The following CDH18 variants were observed in gnomAD, a reference collection of about 807,000 sequenced individuals.
The protein encoded by CDH18 is cadherin-18.
CDH18 carries 31 observed loss-of-function variants against 67.9 expected under a neutral mutation model. The observed-to-expected ratio is 0.46, with a 90% CI of 0.34 to 0.62. The LOEUF (loss-of-function observed/expected upper bound fraction) is 0.62, where lower values mean the gene tolerates loss of function less well. Among genes scored for constraint, CDH18 ranks in the 20% least tolerant of loss-of-function variants. The pLI, the probability that CDH18 is intolerant of heterozygous loss-of-function variation, is 0.01. For missense variants in CDH18, 890 were observed against 975.5 expected (o/e 0.91, Z 1.17); for synonymous variants, 362 against 347.2 (o/e 1.04, Z -0.48).
In CDH18 at chr5:20,278,377, G is replaced by GA. The variant is rs894511672; in HGVS notation, c.-579-22873dup. 6.0e-4 allele frequency among the ~76,000 whole-genome samples: 89 copies of GA among 147,380 alleles called. 1 individual carries two copies. The highest frequency in any genetic ancestry group is 1.8e-3 in the African/African-American group (73 of 40,256). ...GCATGACAGATTTAAAGCGCTGAAG[G>GA]AAAAAAAAAATCCCAGAATAGGATA... On this transcript the variant is annotated intron_variant, in intron 1 of 14. Coordinates refer to the CDH18 transcript ENST00000507958.
At chr5:20,133,135 T>C (rs1447207656) in intron 2 of CDH18, among the ~76,000 whole-genome samples, 8 of 152,222 alleles carry the variant, frequency 5.3e-5, no homozygotes, top group Non-Finnish European at 2.9e-5. Context: ...AATTACTCAT[T>C]TGTATTACTT....
chr5:19,592,073 G>GT, intron 6 of CDH18, among the ~76,000 whole-genome samples: 1 of 152,022 alleles, frequency 6.6e-6, no homozygotes, highest in East Asian at 1.9e-4. Context: ...CAACAGACAA[G>GT]TTAATATTCA....
At chr5:20,296,000 T>C (rs555259544) in intron 1 of CDH18, among the ~76,000 whole-genome samples, 2 of 146,428 alleles carry the variant, frequency 1.4e-5, no homozygotes, top group East Asian at 4.4e-4. Flanking sequence ...GCCTCCCGAG[T>C]AACTGGGATT....
chr5:20,203,581 A>AAGAG (rs57913549), intron 2 of CDH18, among the ~76,000 whole-genome samples: 165 of 145,168 alleles, frequency 1.1e-3, no homozygotes, highest in Admixed American at 1.4e-3. Context: ...GTGGAGGGAA[A>AAGAG]AGAGAGAGAG....
intron 2 of CDH18, among the ~76,000 whole-genome samples, chr5:19,908,210 T>G (rs925119012): frequency 5.9e-5 from 9 of 152,224 alleles, no homozygotes; most frequent in African/African-American, 2.2e-4. Context: ...GGAACTAATA[T>G]GATAACTCCT....
At chr5:20,544,623 C>T (rs191976023) in intron 1 of CDH18, among the ~76,000 whole-genome samples, 2 of 152,204 alleles carry the variant, frequency 1.3e-5, no homozygotes, top group Non-Finnish European at 2.9e-5. Context: ...CATTAGCTCT[C>T]ATTAGAATTC....
At chr5:20,138,759 G>GA (rs1467807605) in intron 2 of CDH18, among the ~76,000 whole-genome samples, 1 of 152,110 alleles carries the variant, frequency 6.6e-6, no homozygotes, top group African/African-American at 2.4e-5. Flanking sequence ...ACTTACGAGG[G>GA]ATGTGAAGGA....
At chr5:19,666,299 G>A (rs1757939389) in intron 5 of CDH18, among the ~76,000 whole-genome samples, 1 of 147,072 alleles carries the variant, frequency 6.8e-6, no homozygotes, top group Non-Finnish European at 1.5e-5. Flanking sequence ...CTAGAGACGG[G>A]GTCTCATCAG....
intron 2 of CDH18, among the ~76,000 whole-genome samples, chr5:19,952,248 A>G (rs1288121511): frequency 2.0e-5 from 3 of 152,030 alleles, no homozygotes; most frequent in Non-Finnish European, 4.4e-5. Flanking sequence ...ACAGGGTTTC[A>G]CCGTGTTAGC....
At chr5:19,701,058 A>T (rs76406237) in intron 5 of CDH18, among the ~76,000 whole-genome samples, 1 of 151,608 alleles carries the variant, frequency 6.6e-6, no homozygotes, top group Non-Finnish European at 1.5e-5. Context: ...TGTAAATGAT[A>T]AAAAAAAATT....
At chr5:20,228,061 C>T (rs2126485851) in intron 2 of CDH18, among the ~76,000 whole-genome samples, 1 of 152,204 alleles carries the variant, frequency 6.6e-6, no homozygotes, top group Non-Finnish European at 1.5e-5. Context: ...ACTTTTCTAT[C>T]ATATGACAGT....
At chr5:19,619,767 T>G (rs1750404370) in intron 5 of CDH18, among the ~76,000 whole-genome samples, 1 of 152,222 alleles carries the variant, frequency 6.6e-6, no homozygotes, top group African/African-American at 2.4e-5. Context: ...CTGTTACGGC[T>G]GCGGTTTAGC....
chr5:20,319,812 ACAGT>A (rs1338768197), intron 1 of CDH18, among the ~76,000 whole-genome samples: 17 of 152,340 alleles, frequency 1.1e-4, no homozygotes, highest in African/African-American at 3.4e-4. Context: ...ATATATAGAA[ACAGT>A]CAGAGAACTA....
chr5:20,441,034 G>A (rs558454996), intron 1 of CDH18, among the ~76,000 whole-genome samples: 1 of 151,968 alleles, frequency 6.6e-6, no homozygotes, highest in Non-Finnish European at 1.5e-5. Flanking sequence ...GTCAGGAAGG[G>A]CCTATCATAA....
At chr5:19,747,504 C>T (rs1421324802) in intron 3 of CDH18, among the ~76,000 whole-genome samples, 1 of 151,524 alleles carries the variant, frequency 6.6e-6, no homozygotes, top group Admixed American at 6.6e-5. Flanking sequence ...ACAAAAATAG[C>T]CCTTATAATT....
intron 1 of CDH18, among the ~76,000 whole-genome samples, chr5:20,269,855 A>AC (rs1360257721): frequency 1.3e-5 from 2 of 152,036 alleles, no homozygotes; most frequent in Non-Finnish European, 2.9e-5. Context: ...TTGCACATAT[A>AC]CCCCCATATA....
At chr5:19,544,632 C>G (rs191340919) in intron 8 of CDH18, among the ~76,000 whole-genome samples, 2 of 151,986 alleles carry the variant, frequency 1.3e-5, no homozygotes, top group African/African-American at 4.8e-5. Flanking sequence ...TCTTATATTG[C>G]GTTAGATTTC....
intron 3 of CDH18, among the ~76,000 whole-genome samples, chr5:19,776,902 A>G (rs1383905602): frequency 6.6e-6 from 1 of 152,238 alleles, no homozygotes; most frequent in African/African-American, 2.4e-5. Flanking sequence ...ATCACTCATC[A>G]TTATGTCCAG....
intron 1 of CDH18, among the ~76,000 whole-genome samples, chr5:20,553,861 A>G (rs1319840585): frequency 4.6e-5 from 7 of 152,272 alleles, no homozygotes; most frequent in East Asian, 1.9e-4. Flanking sequence ...ACAAAAAAAA[A>G]TCCGGATCGG....
Sources: allele counts gnomAD v4.1 joint callset (sites outside exome capture counted in the v4.1 genomes callset), GRCh38; gene constraint gnomAD v4.1.1; transcripts MANE v1.5; gene names NCBI Gene and HGNC (gene_info 2026-07-23, HGNC 2026-07-21).